OTUD7B: variants seen among roughly 807,000 people sequenced by gnomAD.
OTUD7B encodes the protein OTU deubiquitinase 7B.
OTUD7B carries 34 observed loss-of-function variants against 82.2 expected under a neutral mutation model. The ratio of observed to expected loss-of-function variants is 0.41; its 90% CI spans 0.31 to 0.55. The LOEUF (loss-of-function observed/expected upper bound fraction) is 0.55, where lower values mean the gene tolerates loss of function less well. Among genes scored for constraint, OTUD7B ranks in the 20% least tolerant of loss-of-function variants. OTUD7B has a pLI of 0.20. For synonymous variants in OTUD7B, 398 were observed against 402.7 expected, an observed-to-expected ratio of 0.99 and a Z score of 0.14; for missense variants, 944 against 1,062.1, an observed-to-expected ratio of 0.89 and a Z score of 1.55.
chr1:150,055,185 C>T, the OTUD7B span, among the ~76,000 whole-genome samples: 1 of 151,800 alleles, frequency 6.6e-6, no homozygotes, highest in African/African-American at 2.4e-5. Flanking sequence ...CTACAGGCGC[C>T]CACCACCACG....
chr1:149,988,354 A>T (rs1355035373), intron 1 of OTUD7B, among the ~76,000 whole-genome samples: 7 of 152,182 alleles, frequency 4.6e-5, no homozygotes, highest in African/African-American at 7.2e-5. Flanking sequence ...TCAGAAAAAA[A>T]TTTAACTATT....
chr1:149,998,273 A>G (rs1357021255), intron 1 of OTUD7B, among the ~76,000 whole-genome samples: 1 of 152,134 alleles, frequency 6.6e-6, no homozygotes, highest in Non-Finnish European at 1.5e-5. Context: ...TCTATTTTAT[A>G]CCACAAGGCT....
chr1:149,948,736 A>G (rs587693376), intron 10 of OTUD7B, among the ~76,000 whole-genome samples: 3 of 152,286 alleles, frequency 2.0e-5, no homozygotes, highest in Non-Finnish European at 2.9e-5. Context: ...TTCCTATTGT[A>G]AGAAAAGAAC....
chr1:150,010,214 G>C (rs1327690319), intron 1 of OTUD7B, among the ~76,000 whole-genome samples: 6 of 152,166 alleles, frequency 3.9e-5, no homozygotes, highest in Non-Finnish European at 8.8e-5. Context: ...CCGGGAGCTG[G>C]AGAGCGCGGG....
At position 149,967,420 on chromosome 1, in the gene OTUD7B, G is replaced by A; in HGVS notation, c.376C>T (p.His126Tyr). 1 of 1,614,124 alleles carries A rather than the reference G, an allele frequency of 6.2e-7. No homozygotes were observed. The highest frequency in any genetic ancestry group is 8.5e-7 in the Non-Finnish European group (1 of 1,179,964). ...GCACAGATGGGCATTTCCAGGGGGT[G>A]CTCATTGCTCCCCCCACCCCCACCA... ...SNGGGGGSNE[H>Y]PLEMPICAFQ... The change falls in exon 4 of 12, where the codon CAC becomes TAC. Residue 126 changes from histidine (H) to tyrosine (Y), a missense_variant. Physicochemically the swap from His to Tyr is moderately conservative, Grantham distance 83 (BLOSUM62 2). Around this residue, in one of 3 missense-constraint regions of OTUD7B, gnomAD observed 530 missense variants for 625.6 expected, o/e 0.85. Coordinates refer to ENST00000581312, the MANE Select transcript of OTUD7B (RefSeq NM_020205.4).
At chr1:149,981,013 TCAAAAA>T (rs1407779734) in intron 1 of OTUD7B, among the ~76,000 whole-genome samples, 1 of 16,908 alleles carries the variant, frequency 5.9e-5, no homozygotes, top group African/African-American at 2.8e-4. Flanking sequence ...AGACCCTGTT[TCAAAAA>T]AAAAAAAAAA....
the OTUD7B span, among the ~76,000 whole-genome samples, chr1:150,034,443 G>T: frequency 6.6e-6 from 1 of 152,156 alleles, no homozygotes; most frequent in Admixed American, 6.6e-5. Flanking sequence ...CAGCCCTATA[G>T]ATATCACACA....
At chr1:150,062,708 CTTTTTTTTT>C in the OTUD7B span, among the ~76,000 whole-genome samples, 4 of 96,056 alleles carry the variant, frequency 4.2e-5, no homozygotes, top group Admixed American at 1.4e-4. Flanking sequence ...CTTCTTCTTT[CTTTTTTTTT>C]TTTTTTTTTT....
chr1:150,057,400 C>A, the OTUD7B span, among the ~76,000 whole-genome samples: 1 of 152,112 alleles, frequency 6.6e-6, no homozygotes. Context: ...GAAAAAGTAA[C>A]AATTTTCTTA....
chr1:149,979,522 G>C (rs1056376089), intron 1 of OTUD7B, among the ~76,000 whole-genome samples: 2 of 152,010 alleles, frequency 1.3e-5, no homozygotes, highest in Non-Finnish European at 2.9e-5. Context: ...GTTCACTATA[G>C]CCTCATGATC....
chr1:149,978,166 T>C (rs1263824638), intron 1 of OTUD7B, among the ~76,000 whole-genome samples: 4 of 152,190 alleles, frequency 2.6e-5, no homozygotes, highest in African/African-American at 9.7e-5. Context: ...AGTTGACTAG[T>C]GTTTTGATGC....
rs1464501130 is a variant in OTUD7B at position 149,943,909 on chromosome 1, A to T, written c.2480T>A (p.Leu827Gln). 2 of 1,614,134 alleles carry T rather than the reference A, an allele frequency of 1.2e-6. No homozygotes were observed. The highest frequency in any genetic ancestry group is 1.7e-6 in the Non-Finnish European group (2 of 1,180,018). ...NFCSCCYREE[L>Q]RRREREPDGE... ...ATCCGGTTCCCGCTCCCTCCTCCTCAGTTCTTCCCTGTAACAACAGGAACA... is the reference window on the plus strand; with the variant it reads ...ATCCGGTTCCCGCTCCCTCCTCCTCTGTTCTTCCCTGTAACAACAGGAACA... Residue 827 changes from leucine (L) to glutamine (Q), a missense_variant, in exon 12 of 12, where the codon CTG becomes CAG. Transcript: ENST00000581312.
chr1:150,050,760 G>A, the OTUD7B span, among the ~76,000 whole-genome samples: 2 of 151,952 alleles, frequency 1.3e-5, no homozygotes, highest in African/African-American at 4.8e-5. Context: ...GTGTTACAGA[G>A]CCTGTTCTTG....
chr1:149,991,331 C>T (rs143502557), intron 1 of OTUD7B, among the ~76,000 whole-genome samples: 150 of 152,178 alleles, frequency 9.9e-4, no homozygotes, highest in African/African-American at 3.4e-3. Context: ...TTCTACTGAT[C>T]GTACCTTTTA....
chr1:149,984,846 T>G (rs1651024954), intron 1 of OTUD7B, among the ~76,000 whole-genome samples: 1 of 152,128 alleles, frequency 6.6e-6, no homozygotes, highest in Non-Finnish European at 1.5e-5. Flanking sequence ...AAATAATCTT[T>G]CACTAAGTTT....
At position 149,939,260 on chromosome 1, in the gene OTUD7B, A is replaced by G. The variant is rs1008036691; in HGVS notation, c.*4597T>C. On this transcript the variant is annotated 3_prime_UTR_variant, in exon 12 of 12. Coordinates refer to ENST00000581312, the MANE Select transcript of OTUD7B (RefSeq NM_020205.4). ...TCACAGATCCAGTTATAAGCACAGA[A>G]AGAGGCCAAGGTCCTTCCCACCCCT... 2 of 152,180 alleles carry G rather than the reference A, an allele frequency of 1.3e-5. No individual in the cohort carries two copies. Among genetic ancestry groups the G allele is most frequent in the African/African-American group, 4.8e-5 (2 of 41,412 alleles). 9.4% of individuals were successfully genotyped at this position (152,180 alleles called of 1,614,324 possible).
intron 1 of OTUD7B, among the ~76,000 whole-genome samples, chr1:149,982,747 C>A (rs1301271010): frequency 1.3e-5 from 2 of 151,946 alleles, no homozygotes; most frequent in Non-Finnish European, 2.9e-5. Context: ...AACCTGGACC[C>A]TGCCATGTCC....
At chr1:150,061,584 T>C in the OTUD7B span, among the ~76,000 whole-genome samples, 1 of 152,082 alleles carries the variant, frequency 6.6e-6, no homozygotes, top group Admixed American at 6.5e-5. Flanking sequence ...TGACCGCACA[T>C]AGGAAATCTT....
At chr1:150,013,576 C>G (rs1404302801), upstream of OTUD7B, among the ~76,000 whole-genome samples, 1 of 151,888 alleles carries the variant, frequency 6.6e-6, no homozygotes, top group African/African-American at 2.4e-5. Context: ...CTCAGACTGA[C>G]GCAGAATTCT....
Sources: allele counts gnomAD v4.1 joint callset (sites outside exome capture counted in the v4.1 genomes callset), GRCh38; gene constraint gnomAD v4.1.1; regional missense constraint gnomAD v4.1.1; transcripts MANE v1.5; gene names NCBI Gene and HGNC (gene_info 2026-07-23, HGNC 2026-07-21).